Variants in ACLY observed in about 807,000 individuals in gnomAD.
ACLY encodes ATP citrate lyase.
ACLY carries 41 observed loss-of-function variants against 133.0 expected under a neutral mutation model. The ratio of observed to expected loss-of-function variants is 0.31; its 90% CI spans 0.24 to 0.40. The LOEUF is 0.40. Among genes scored for constraint, ACLY ranks in the 10% least tolerant of loss-of-function variants. The pLI, the probability that ACLY is intolerant of heterozygous loss-of-function variation, is 1.00. For synonymous variants in ACLY, 495 were observed against 549.3 expected, an observed-to-expected ratio of 0.90 and a Z score of 1.38; for missense variants, 1,046 against 1,453.8, an observed-to-expected ratio of 0.72 and a Z score of 4.56.
chr17:41,922,835 G>A (rs1343272531), upstream of ACLY, among the ~76,000 whole-genome samples: 1 of 152,208 alleles, frequency 6.6e-6, no homozygotes, highest in African/African-American at 2.4e-5. Context: ...TGAGGGGGAA[G>A]AGGTGCTGGC....
At chr17:41,919,669 TAGGA>T (rs2050151393), upstream of ACLY, among the ~76,000 whole-genome samples, 1 of 152,174 alleles carries the variant, frequency 6.6e-6, no homozygotes, top group Non-Finnish European at 1.5e-5. Context: ...AGGGCGGAGC[TAGGA>T]ATTCAATGCG....
At chr17:41,907,887 C>T (rs1188292867) in intron 6 of ACLY, among the ~76,000 whole-genome samples, 4 of 152,176 alleles carry the variant, frequency 2.6e-5, no homozygotes, top group Non-Finnish European at 4.4e-5. Context: ...TCTAACCATG[C>T]GCAAACCCAT....
intron 4 of ACLY, among the ~76,000 whole-genome samples, chr17:41,909,960 G>T (rs2049850200): frequency 6.6e-6 from 1 of 152,276 alleles, no homozygotes; most frequent in Non-Finnish European, 1.5e-5. Context: ...CTGAGGGGTG[G>T]GGCCTGCCTG....
At chr17:41,895,511 C>G (rs917902531) in intron 14 of ACLY, among the ~76,000 whole-genome samples, 2 of 152,238 alleles carry the variant, frequency 1.3e-5, no homozygotes, top group Non-Finnish European at 2.9e-5. Context: ...TACACCAGGC[C>G]TCCTCTGGCC....
In ACLY at chr17:41,909,661, C is replaced by G. The variant is rs782804144; in HGVS notation, c.385G>C (p.Gly129Arg). 1 of 1,614,060 alleles carries G rather than the reference C, an allele frequency of 6.2e-7. No homozygotes were observed. Residue 129 changes from glycine (G) to arginine (R), a missense_variant, in exon 5 of 29, where the codon GGG becomes CGG. Around this residue, in one of 4 missense-constraint regions of ACLY, gnomAD observed 227 missense variants for 245.6 expected, o/e 0.92. Transcript: ENST00000352035. ...TCGTGGTGGAACAGGACGTAGTCCC[C>G]TTCTCGGGTGGCATAGATGCAGACA... Reference protein sequence around the residue: ...FYVCIYATREGDYVLFHHEGG... With the variant: ...FYVCIYATRERDYVLFHHEGG...
chr17:41,892,596 G>T (rs1456493923), intron 15 of ACLY, 149 bp from the exon 16 acceptor site: 3 of 701,712 alleles, frequency 4.3e-6, no homozygotes, highest in African/African-American at 1.8e-5. Flanking sequence ...AGATCCCCCA[G>T]GAATACTGAC....
At chr17:41,874,430 C>T (rs1232055296) in intron 22 of ACLY, among the ~76,000 whole-genome samples, 1 of 152,122 alleles carries the variant, frequency 6.6e-6, no homozygotes, top group Non-Finnish European at 1.5e-5. Flanking sequence ...CACCGCCACG[C>T]CTGGCTAATT....
intron 27 of ACLY, 82 bp from the exon 28 acceptor site, chr17:41,868,867 A>G: frequency 6.7e-7 from 1 of 1,482,802 alleles, no homozygotes; most frequent in Non-Finnish European, 9.4e-7. Flanking sequence ...ACTGCCCAAG[A>G]ATGAGAAGAA....
chr17:41,918,204 C>A (rs2050106598), intron 1 of ACLY, among the ~76,000 whole-genome samples: 1 of 152,190 alleles, frequency 6.6e-6, no homozygotes, highest in Admixed American at 6.5e-5. Context: ...GGGGTGGCAC[C>A]CCGGCCATCT....
upstream of ACLY, among the ~76,000 whole-genome samples, chr17:41,921,198 T>G (rs1598055507): frequency 6.8e-6 from 1 of 147,550 alleles, no homozygotes; most frequent in African/African-American, 2.5e-5. Flanking sequence ...CCTGGGAGGC[T>G]GAGGCAGGAG....
intron 25 of ACLY, among the ~76,000 whole-genome samples, chr17:41,871,351 C>CTT (rs550568825): frequency 2.9e-5 from 4 of 139,212 alleles, no homozygotes. Flanking sequence ...ATCCATCCCA[C>CTT]TTTTTTTTTT....
chr17:41,909,782 C>T (rs2049842843), intron 4 of ACLY, 82 bp from the exon 5 acceptor site: 1 of 1,261,216 alleles, frequency 7.9e-7, no homozygotes, highest in East Asian at 2.4e-5. Context: ...GGAAGATGGT[C>T]TACCATGTAC....
chr17:41,875,994 G>A (rs2048736547), intron 22 of ACLY, among the ~76,000 whole-genome samples: 1 of 151,762 alleles, frequency 6.6e-6, no homozygotes, highest in Non-Finnish European at 1.5e-5. Context: ...TCTAGGAAGT[G>A]AGGAGCGCCT....
At chr17:41,909,192 G>GC in intron 5 of ACLY, 124 bp from the exon 6 acceptor site, 1 of 766,202 alleles carries the variant, frequency 1.3e-6, no homozygotes, top group South Asian at 1.5e-5. Context: ...CACCCCACTG[G>GC]CCCTTCCATC....
At chr17:41,930,525 G>A (rs2050308481) in exon 1 of ACLY, 16 of 546,458 alleles carry the variant, frequency 2.9e-5, no homozygotes, top group Middle Eastern at 5.0e-4. Context: ...ATCACTCCCT[G>A]GCCCAGTGCG....
chr17:41,892,535 G>A (rs782076272), intron 15 of ACLY, 88 bp from the exon 16 acceptor site: 40 of 1,219,442 alleles, frequency 3.3e-5, no homozygotes, highest in Non-Finnish European at 4.6e-5. Context: ...TCACCTAGAA[G>A]ATAGAAAAGG....
rs1211887674 is a variant in ACLY, at chr17:41,909,643, G to C, written c.403C>G (p.His135Asp). ...CCCACGTCCACACCCCCCTCGTGGT[G>C]GAACAGGACGTAGTCCCCTTCTCGG... ...ATREGDYVLF[H>D]HEGGVDVGDV... Residue 135 changes from histidine to aspartate, a missense_variant, in exon 5 of 29, where the codon CAC becomes GAC. By Grantham distance (81) the His-to-Asp change is moderately conservative. Transcript: ENST00000352035. The C allele has an allele frequency of 1.9e-6, 3 of 1,614,174 alleles. 1 individual carries two copies. The South Asian group carries it at 3.3e-5, about 18-fold the overall frequency.
chr17:41,892,126 C>T (rs1325398975), intron 16 of ACLY, among the ~76,000 whole-genome samples, 153 bp downstream of exon 16: 2 of 152,146 alleles, frequency 1.3e-5, no homozygotes, highest in Non-Finnish European at 2.9e-5. Context: ...CTGGCTACTC[C>T]CAAATCCCCA....
At position 41,867,364 on chromosome 17, in the gene ACLY, T is replaced by TAA. The variant is rs71228789; in HGVS notation, c.*444_*445dup. The TAA allele has an allele frequency of 3.4e-4, 47 of 138,258 alleles. 1 individual carries two copies. Among genetic ancestry groups the TAA allele is most frequent in the East Asian group, 8.4e-4 (4 of 4,776 alleles). The allele number at this position is 138,258 out of a possible 1,614,324, so 8.6% of individuals were successfully genotyped here. ...TTATATAAGGAAGAAGAAAGGGAAG[T>TAA]AAAAAAAAAAAAAGAGAGACATTGG... On this transcript the variant is annotated 3_prime_UTR_variant, in exon 29 of 29. Transcript: ENST00000352035.
Sources: gnomAD v4.1 joint callset for allele counts (sites outside exome capture counted in the v4.1 genomes callset) on GRCh38, gnomAD v4.1.1 for gene constraint, gnomAD v4.1.1 regional missense constraint, MANE v1.5 for transcripts, NCBI Gene and HGNC (gene_info 2026-07-23, HGNC 2026-07-21) for gene names.